Variants in CALN1 observed in about 807,000 individuals in gnomAD.
The protein encoded by CALN1 is calcium-binding protein 8.
In CALN1, 17 loss-of-function variants were observed where a neutral mutation model predicts 30.6. The ratio of observed to expected loss-of-function variants is 0.56; its 90% CI spans 0.38 to 0.83. The LOEUF (loss-of-function observed/expected upper bound fraction) is 0.83. CALN1 is among the 40% of genes least tolerant of loss of function. The pLI, the probability that CALN1 is intolerant of heterozygous loss-of-function variation, is 0.00. For missense variants in CALN1, 291 were observed against 354.9 expected, an observed-to-expected ratio of 0.82 and a Z score of 1.45; for synonymous variants, 156 against 131.4, an observed-to-expected ratio of 1.19 and a Z score of -1.28.
At chr7:72,484,053 G>A in the CALN1 span, among the ~76,000 whole-genome samples, 14 of 152,084 alleles carry the variant, frequency 9.2e-5, no homozygotes, top group East Asian at 2.7e-3. Flanking sequence ...TTGAACATAT[G>A]TAATACAATT....
rs1050168949 is a variant in CALN1, at chr7:72,412,225, G to C, written c.-241C>G. On this transcript the variant is annotated 5_prime_UTR_variant, in exon 1 of 7. Coordinates refer to ENST00000395275, the MANE Select transcript of CALN1 (RefSeq NM_031468.4). ...TGCTGACTTCAAGAACGAAGACGCA[G>C]ACCGCGGCCGTGAGCTTTAAAGGTG... is the stretch of plus-strand genomic sequence containing the variant. 4 of 152,332 alleles carry C rather than the reference G, an allele frequency of 2.6e-5. No individual in the cohort carries two copies. The highest frequency in any genetic ancestry group is 4.4e-5 in the Non-Finnish European group (3 of 68,104). 9.4% of individuals were successfully genotyped at this position (152,332 alleles called of 1,614,324 possible).
chr7:72,241,155 G>A (rs761246529), intron 3 of CALN1, among the ~76,000 whole-genome samples: 2 of 152,156 alleles, frequency 1.3e-5, no homozygotes, highest in African/African-American at 4.8e-5. Flanking sequence ...TTTAGTTCAA[G>A]TAAGTTGGCT....
intron 3 of CALN1, among the ~76,000 whole-genome samples, chr7:72,150,642 G>A (rs1000858963): frequency 6.6e-6 from 1 of 152,302 alleles, no homozygotes; most frequent in South Asian, 2.1e-4. Context: ...TATTGGCAGA[G>A]CAGAGAGAAC....
At chr7:72,180,607 C>CTTTTTTTTT (rs150600925) in intron 3 of CALN1, among the ~76,000 whole-genome samples, 25 of 89,960 alleles carry the variant, frequency 2.8e-4, no homozygotes, top group East Asian at 6.4e-4. Context: ...GCTTTTTTTT[C>CTTTTTTTTT]TTTTTTTTTT....
At chr7:72,098,761 C>T (rs1806414893) in intron 4 of CALN1, among the ~76,000 whole-genome samples, 2 of 6,614 alleles carry the variant, frequency 3.0e-4, no homozygotes, top group Non-Finnish European at 5.5e-4. Flanking sequence ...GCCCATTTGG[C>T]GCGCACACAC....
intron 3 of CALN1, among the ~76,000 whole-genome samples, chr7:72,222,424 A>G (rs1234876870): frequency 6.6e-6 from 1 of 152,070 alleles, no homozygotes; most frequent in Admixed American, 6.6e-5. Flanking sequence ...GAGAGAGGGG[A>G]GATACCACAC....
At chr7:72,066,622 CTT>C (rs1418291744) in intron 4 of CALN1, among the ~76,000 whole-genome samples, 3 of 151,972 alleles carry the variant, frequency 2.0e-5, no homozygotes, top group Admixed American at 2.0e-4. Flanking sequence ...ATGTATGACT[CTT>C]TTTTAAGAGA....
intron 3 of CALN1, among the ~76,000 whole-genome samples, chr7:72,251,367 G>A (rs538657): frequency 0.69 from 105,080 of 151,982 alleles, 36,886 homozygotes; most frequent in East Asian, 1. Flanking sequence ...CAGTTACACC[G>A]GGACATTCTT....
intron 2 of CALN1, among the ~76,000 whole-genome samples, chr7:72,388,042 G>T (rs1021745475): frequency 2.0e-5 from 3 of 152,096 alleles, no homozygotes; most frequent in African/African-American, 4.8e-5. Flanking sequence ...GTAATTGTGG[G>T]TTTTGCCATT....
intron 2 of CALN1, among the ~76,000 whole-genome samples, chr7:72,300,853 C>T (rs1799211527): frequency 6.6e-6 from 1 of 152,072 alleles, no homozygotes; most frequent in African/African-American, 2.4e-5. Flanking sequence ...ATTAGCTGGG[C>T]ATGGTGGCAC....
intron 5 of CALN1, among the ~76,000 whole-genome samples, chr7:71,993,972 T>C (rs1042383737): frequency 1.3e-5 from 2 of 152,206 alleles, no homozygotes. Flanking sequence ...AATTTAAATG[T>C]TGTGACCCCA....
chr7:72,172,747 C>A (rs910881243), intron 3 of CALN1, among the ~76,000 whole-genome samples: 7 of 152,148 alleles, frequency 4.6e-5, no homozygotes, highest in African/African-American at 1.7e-4. Flanking sequence ...AACAACTATT[C>A]ATGGTATAAT....
chr7:71,848,290 G>C (rs1584362819), intron 5 of CALN1, among the ~76,000 whole-genome samples: 1 of 152,262 alleles, frequency 6.6e-6, no homozygotes, highest in South Asian at 2.1e-4. Flanking sequence ...TCACATCTGT[G>C]CTTGCTAATC....
the CALN1 span, among the ~76,000 whole-genome samples, chr7:72,503,710 C>T: frequency 6.6e-6 from 1 of 152,050 alleles, no homozygotes. Context: ...ATCTATTAGA[C>T]GAAACAGCCA....
chr7:71,896,870 G>A (rs540917680), intron 5 of CALN1, among the ~76,000 whole-genome samples: 17 of 152,266 alleles, frequency 1.1e-4, no homozygotes, highest in African/African-American at 3.9e-4. Flanking sequence ...GGAGAATGGC[G>A]AGATTCCTGG....
chr7:72,045,701 T>A (rs578178313), intron 4 of CALN1, among the ~76,000 whole-genome samples: 23 of 152,244 alleles, frequency 1.5e-4, no homozygotes, highest in Non-Finnish European at 2.6e-4. Flanking sequence ...ATTCATTTTT[T>A]AATTTTTTCG....
chr7:72,317,062 G>GAGAA (rs1323518198), intron 2 of CALN1, among the ~76,000 whole-genome samples: 1 of 98,490 alleles, frequency 1.0e-5, no homozygotes, highest in Non-Finnish European at 2.0e-5. Flanking sequence ...AAGAGAGAGA[G>GAGAA]AGAAAGAGAG....
At chr7:72,501,647 A>ATG in the CALN1 span, among the ~76,000 whole-genome samples, 1 of 151,226 alleles carries the variant, frequency 6.6e-6, no homozygotes, top group African/African-American at 2.4e-5. Flanking sequence ...GCAGTGGCTC[A>ATG]CTACTGTAAT....
the CALN1 span, among the ~76,000 whole-genome samples, chr7:72,499,772 T>TC: frequency 4.2e-3 from 556 of 132,672 alleles, 18 homozygotes; most frequent in East Asian, 0.019. Flanking sequence ...AAACTTTCTT[T>TC]CTTTCCTTCC....
Sources: allele counts gnomAD v4.1 joint callset (sites outside exome capture counted in the v4.1 genomes callset), GRCh38; gene constraint gnomAD v4.1.1; transcripts MANE v1.5; gene names NCBI Gene and HGNC (gene_info 2026-07-23, HGNC 2026-07-21).